EML6: variants seen among roughly 807,000 people sequenced by gnomAD.
EML6 encodes the protein EMAP like 6, also known as echinoderm microtubule-associated protein-like 6.
EML6 carries 154 observed loss-of-function variants against 240.1 expected under a neutral mutation model. The ratio of observed to expected loss-of-function variants is 0.64; its 90% CI spans 0.56 to 0.73. The LOEUF (loss-of-function observed/expected upper bound fraction) is 0.73, where lower values mean the gene tolerates loss of function less well. EML6 is among the 30% of genes least tolerant of loss of function. The pLI is 0.00. For synonymous variants in EML6, 1,148 were observed against 899.0 expected, an observed-to-expected ratio of 1.28 and a Z score of -4.95; for missense variants, 2,964 against 2,474.6, an observed-to-expected ratio of 1.20 and a Z score of -4.20.
chr2:54,906,922 G>T (rs1673356438), intron 24 of EML6, among the ~76,000 whole-genome samples: 1 of 152,178 alleles, frequency 6.6e-6, no homozygotes, highest in Non-Finnish European at 1.5e-5. Context: ...TCATGCCTTT[G>T]ATCCTGTCGA....
At position 54,800,073 on chromosome 2, in the gene EML6, C is replaced by T. The variant is rs184525151; in HGVS notation, c.198-13159C>T. Among the ~76,000 whole-genome samples the T allele has an allele frequency of 1.1e-3, 165 of 151,986 alleles. 1 individual carries two copies. The highest frequency in any genetic ancestry group is 3.6e-3 in the African/African-American group (149 of 41,446). On this transcript the variant is annotated intron_variant, in intron 2 of 41. Coordinates refer to ENST00000356458, the MANE Select transcript of EML6 (RefSeq NM_001039753.4). ...CATCCTGGCCAACATGGTGAAACCC[C>T]GTCTCTACTAAAATTACAAAAATTA...
In EML6 at chr2:54,834,559, T is replaced by A. The variant is rs545415214; in HGVS notation, c.847+5082T>A. 2.6e-5 allele frequency among the ~76,000 whole-genome samples: 4 copies of A among 152,322 alleles called. No homozygotes were observed. In the South Asian group the frequency reaches 8.3e-4, roughly 32 times the overall value. Reference sequence around the variant, plus strand: ...GCCAGATACGTGCCTAGGAACTGAATAGGAAGTCCTGAAAAGTATACTTCA... The same window carrying A: ...GCCAGATACGTGCCTAGGAACTGAAAAGGAAGTCCTGAAAAGTATACTTCA... On this transcript the variant is annotated intron_variant, in intron 7 of 41. Coordinates refer to ENST00000356458, the MANE Select transcript of EML6 (RefSeq NM_001039753.4).
At position 54,829,766 on chromosome 2, in the gene EML6, T is replaced by G. The variant is rs7591881; in HGVS notation, c.847+289T>G. ...CAAAACTGAGACGTTCTAGACAAGT[T>G]GGTTACCATTAAAGTGAATGTACCC... On this transcript the variant is annotated intron_variant, in intron 7 of 41. Coordinates refer to ENST00000356458, the MANE Select transcript of EML6 (RefSeq NM_001039753.4). 7.2e-3 allele frequency among the ~76,000 whole-genome samples: 1,092 copies of G among 152,332 alleles called. 14 individuals carry two copies. Among genetic ancestry groups the G allele is most frequent in the African/African-American group, 0.025 (1,026 of 41,568 alleles).
At chr2:54,899,833 T>G (rs920279969) in intron 22 of EML6, 51 bp downstream of exon 22, 1 of 1,497,830 alleles carries the variant, frequency 6.7e-7, no homozygotes. Flanking sequence ...AGTAACAGAA[T>G]GTGTCATATT....
intron 24 of EML6, among the ~76,000 whole-genome samples, chr2:54,904,612 A>T (rs754452887): frequency 6.6e-6 from 1 of 152,206 alleles, no homozygotes; most frequent in Non-Finnish European, 1.5e-5. Flanking sequence ...CCAGGGGGTG[A>T]TGAAGAAATA....
chr2:54,734,294 C>T (rs897363318), intron 2 of EML6, among the ~76,000 whole-genome samples: 4 of 152,230 alleles, frequency 2.6e-5, no homozygotes, highest in East Asian at 1.9e-4. Context: ...GCTGAGATCG[C>T]ACCACTGCAC....
intron 2 of EML6, among the ~76,000 whole-genome samples, chr2:54,783,824 T>C (rs150003840): frequency 6.6e-6 from 1 of 152,252 alleles, no homozygotes; most frequent in Non-Finnish European, 1.5e-5. Context: ...ATACTTGTAA[T>C]GAGACTGTAC....
chr2:54,969,710 C>G (rs1676907688), intron 41 of EML6, among the ~76,000 whole-genome samples: 1 of 152,172 alleles, frequency 6.6e-6, no homozygotes, highest in Non-Finnish European at 1.5e-5. Flanking sequence ...TGCTGTGATC[C>G]CTGGTTCTGT....
Position 54,928,615 on chromosome 2 carries a change from G to A in EML6, c.3878-10G>A. 1 of 1,552,154 alleles carries A rather than the reference G, an allele frequency of 6.4e-7. No homozygotes were observed. ...CCAACTGGCTCCCCAATCTCTTTCT[G>A]TTGTTTGAGGCTATGACAGCGATGT... On this transcript the variant is annotated splice_polypyrimidine_tract_variant and intron_variant, in intron 27 of 41. Coordinates refer to ENST00000356458, the MANE Select transcript of EML6 (RefSeq NM_001039753.4).
chr2:54,918,328 AT>A (rs1674040004), intron 26 of EML6, among the ~76,000 whole-genome samples: 1 of 152,168 alleles, frequency 6.6e-6, no homozygotes, highest in African/African-American at 2.4e-5. Context: ...TCAGTTTTAC[AT>A]TCCATTTATT....
chr2:54,932,027 AT>A (rs1227421446), intron 28 of EML6, among the ~76,000 whole-genome samples: 4 of 152,214 alleles, frequency 2.6e-5, no homozygotes, highest in African/African-American at 9.7e-5. Context: ...TAGCTGTGAG[AT>A]TTCAGATCCT....
intron 4 of EML6, among the ~76,000 whole-genome samples, chr2:54,819,859 A>G (rs1425693721): frequency 6.6e-6 from 1 of 152,018 alleles, no homozygotes; most frequent in Non-Finnish European, 1.5e-5. Flanking sequence ...ATGTTGGGTC[A>G]GATTAAAATG....
rs150403404 is a variant in EML6 at position 54,853,464 on chromosome 2, T to C, written c.1445-179T>C. 3.8e-4 allele frequency among the ~76,000 whole-genome samples: 58 copies of C among 151,444 alleles called. 1 individual carries two copies. In the East Asian group the frequency reaches 0.011, roughly 29 times the overall value. ...TCATTTTCTTTTTAATGTCTGAGTT[T>C]TGAGTGTGGGCTTTCTTTAAGCCAC... is the stretch of plus-strand genomic sequence containing the variant. On this transcript the variant is annotated intron_variant, in intron 10 of 41. Coordinates refer to ENST00000356458, the MANE Select transcript of EML6 (RefSeq NM_001039753.4).
intron 7 of EML6, among the ~76,000 whole-genome samples, chr2:54,841,523 C>T (rs1018102933): frequency 4.0e-5 from 6 of 151,454 alleles, no homozygotes; most frequent in Non-Finnish European, 5.9e-5. Context: ...TTAGGATGTC[C>T]GCGTACCCCA....
intron 2 of EML6, among the ~76,000 whole-genome samples, chr2:54,810,855 T>G (rs1039266960): frequency 8.5e-5 from 13 of 152,164 alleles, no homozygotes; most frequent in African/African-American, 2.7e-4. Flanking sequence ...CCAGATGTGA[T>G]GCTAACCTGA....
At chr2:54,964,995 GCC>G (rs1290084870) in intron 38 of EML6, among the ~76,000 whole-genome samples, 2 of 152,214 alleles carry the variant, frequency 1.3e-5, no homozygotes, top group Non-Finnish European at 2.9e-5. Flanking sequence ...TCTTTAATCT[GCC>G]CCTCACCACC....
chr2:54,736,416 A>T (rs1408898121), intron 2 of EML6, among the ~76,000 whole-genome samples: 1 of 152,198 alleles, frequency 6.6e-6, no homozygotes, highest in East Asian at 1.9e-4. Flanking sequence ...CTAACCAGAC[A>T]TGTGACTTTG....
At chr2:54,904,064 T>G (rs767584247) in intron 24 of EML6, among the ~76,000 whole-genome samples, 4 of 152,226 alleles carry the variant, frequency 2.6e-5, no homozygotes, top group Admixed American at 6.5e-5. Flanking sequence ...TTTTATGGTG[T>G]TGCATAGTCT....
chr2:54,848,652 T>C (rs1479333031), intron 9 of EML6, among the ~76,000 whole-genome samples: 1 of 152,186 alleles, frequency 6.6e-6, no homozygotes, highest in African/African-American at 2.4e-5. Context: ...GATTATTTGC[T>C]ATTCTTTATG....
Sources: gnomAD v4.1 joint callset for allele counts (sites outside exome capture counted in the v4.1 genomes callset) on GRCh38, gnomAD v4.1.1 for gene constraint, MANE v1.5 for transcripts, NCBI Gene and HGNC (gene_info 2026-07-23, HGNC 2026-07-21) for gene names.